Variants in ABCG2 observed in about 807,000 individuals in gnomAD.
The protein encoded by ABCG2 is broad substrate specificity ATP-binding cassette transporter ABCG2.
In ABCG2, 80 loss-of-function variants were observed where a neutral mutation model predicts 73.5. The observed-to-expected ratio is 1.09, with a 90% CI of 0.91 to 1.31. The LOEUF (loss-of-function observed/expected upper bound fraction) is 1.31. ABCG2 is among the 50% of genes most tolerant of loss of function. ABCG2 has a pLI of 0.00. For missense variants in ABCG2, 796 were observed against 786.2 expected (o/e 1.01, Z -0.15); for synonymous variants, 269 against 282.4 (o/e 0.95, Z 0.48).
intron 9 of ABCG2, among the ~76,000 whole-genome samples, chr4:88,108,735 C>G (rs3114015): frequency 0.85 from 128,653 of 152,176 alleles, 56,100 homozygotes; most frequent in Non-Finnish European, 0.97. Context: ...ACAGTACCAT[C>G]ATCTGTGATA....
intron 1 of ABCG2, among the ~76,000 whole-genome samples, chr4:88,178,917 C>A (rs1258473555): frequency 1.3e-5 from 2 of 152,164 alleles, no homozygotes; most frequent in Non-Finnish European, 2.9e-5. Context: ...TTTCCAACTG[C>A]AGTCCCTGGC....
intron 1 of ABCG2, among the ~76,000 whole-genome samples, chr4:88,184,647 T>C (rs112804164): frequency 0.045 from 6,867 of 152,202 alleles, 205 homozygotes; most frequent in South Asian, 0.073. Flanking sequence ...ACAGATTCAA[T>C]GCAATCCCCA....
intron 1 of ABCG2, among the ~76,000 whole-genome samples, chr4:88,155,314 G>C (rs935747686): frequency 6.6e-6 from 1 of 152,144 alleles, no homozygotes; most frequent in African/African-American, 2.4e-5. Flanking sequence ...GGGAGAGCAC[G>C]TGTGTTTTTA....
At chr4:88,101,431 A>G in intron 10 of ABCG2, 112 bp from the exon 11 acceptor site, 1 of 965,106 alleles carries the variant, frequency 1.0e-6, no homozygotes, top group Non-Finnish European at 1.6e-6. Flanking sequence ...AAGCAGGAAA[A>G]AAAGGGAAAC....
At chr4:88,230,261 G>T (rs1730400322) in intron 1 of ABCG2, among the ~76,000 whole-genome samples, 1 of 128,014 alleles carries the variant, frequency 7.8e-6, no homozygotes. Flanking sequence ...CCAAAATGCT[G>T]GGATTACAGG....
intron 1 of ABCG2, among the ~76,000 whole-genome samples, chr4:88,204,049 C>G (rs906529072): frequency 6.6e-6 from 1 of 152,164 alleles, no homozygotes; most frequent in Non-Finnish European, 1.5e-5. Context: ...CTTTCCTCTT[C>G]CATTTCTCTA....
intron 1 of ABCG2, among the ~76,000 whole-genome samples, chr4:88,190,590 T>C (rs1560747091): frequency 6.6e-6 from 1 of 152,220 alleles, no homozygotes; most frequent in African/African-American, 2.4e-5. Context: ...AACTGTGTTC[T>C]GATAAGCCAA....
intron 1 of ABCG2, among the ~76,000 whole-genome samples, chr4:88,178,390 G>A (rs1398351956): frequency 6.6e-6 from 1 of 152,090 alleles, no homozygotes. Context: ...GAGCCCTTGG[G>A]CCCTCAACAA....
chr4:88,141,259 A>C (rs1725621687), intron 1 of ABCG2, among the ~76,000 whole-genome samples: 2 of 152,160 alleles, frequency 1.3e-5, no homozygotes, highest in African/African-American at 4.8e-5. Flanking sequence ...TGAGGAACCA[A>C]AATCACGGAA....
intron 1 of ABCG2, among the ~76,000 whole-genome samples, chr4:88,150,176 G>T (rs1052325030): frequency 6.6e-6 from 1 of 152,100 alleles, no homozygotes; most frequent in Admixed American, 6.5e-5. Flanking sequence ...AATTATCCGG[G>T]TGTGGTGGCG....
chr4:88,113,786 C>A (rs1006248633), intron 8 of ABCG2, among the ~76,000 whole-genome samples: 3 of 151,630 alleles, frequency 2.0e-5, no homozygotes, highest in Non-Finnish European at 4.4e-5. Flanking sequence ...CATGGTGAAA[C>A]CCTGTCTCTA....
chr4:88,101,675 G>A (rs1451921238), intron 10 of ABCG2, among the ~76,000 whole-genome samples: 1 of 152,174 alleles, frequency 6.6e-6, no homozygotes, highest in Non-Finnish European at 1.5e-5. Context: ...GGGAGGTGGG[G>A]AGAGTGTAAT....
intron 9 of ABCG2, among the ~76,000 whole-genome samples, chr4:88,108,930 G>A (rs1467886980): frequency 1.3e-5 from 2 of 151,864 alleles, no homozygotes; most frequent in Non-Finnish European, 2.9e-5. Flanking sequence ...TGTATCAACA[G>A]GCATGCATGA....
intron 1 of ABCG2, among the ~76,000 whole-genome samples, chr4:88,157,005 G>C (rs987584548): frequency 5.9e-5 from 9 of 152,198 alleles, no homozygotes; most frequent in African/African-American, 1.9e-4. Flanking sequence ...AGGAGGCTGA[G>C]GCAGGAGAAT....
chr4:88,114,250 T>C (rs571670212), intron 8 of ABCG2, among the ~76,000 whole-genome samples: 1 of 152,324 alleles, frequency 6.6e-6, no homozygotes, highest in East Asian at 1.9e-4. Context: ...CTTATGAATA[T>C]AGCAAACAAA....
At chr4:88,171,284 A>G (rs1727746733) in intron 1 of ABCG2, among the ~76,000 whole-genome samples, 3 of 151,404 alleles carry the variant, frequency 2.0e-5, no homozygotes, top group Non-Finnish European at 4.4e-5. Context: ...TAAAAAAAAA[A>G]AAAAAAGAAA....
intron 1 of ABCG2, among the ~76,000 whole-genome samples, chr4:88,182,582 A>C (rs566728853): frequency 6.6e-6 from 1 of 152,200 alleles, no homozygotes; most frequent in Non-Finnish European, 1.5e-5. Context: ...TAAAACTAGA[A>C]ATCAACAACA....
chr4:88,201,569 G>A (rs1287198271), intron 1 of ABCG2: 1 of 152,154 alleles, frequency 6.6e-6, no homozygotes, highest in African/African-American at 2.4e-5. Context: ...ATTGAAAGAA[G>A]CAGCTGTACA....
chr4:88,151,284 A>C (rs978032917), intron 1 of ABCG2, among the ~76,000 whole-genome samples: 3 of 152,174 alleles, frequency 2.0e-5, no homozygotes, highest in African/African-American at 7.2e-5. Flanking sequence ...AGGGGGAAAC[A>C]AAATCAAGTT....
Sources: allele counts gnomAD v4.1 joint callset (sites outside exome capture counted in the v4.1 genomes callset), GRCh38; gene constraint gnomAD v4.1.1; transcripts MANE v1.5; gene names NCBI Gene and HGNC (gene_info 2026-07-23, HGNC 2026-07-21).